The following ADAM7 variants were observed in gnomAD, a reference collection of about 807,000 sequenced individuals.
ADAM7 encodes the protein disintegrin and metalloproteinase domain-containing protein 7.
Under a neutral mutation model 102.9 loss-of-function variants are expected in ADAM7, and 97 were observed. The observed-to-expected ratio is 0.94, with a 90% CI of 0.80 to 1.12. ADAM7 has a LOEUF of 1.12. ADAM7 is among the 50% of genes most tolerant of loss of function. ADAM7 has a pLI of 0.00. For missense variants in ADAM7, 991 were observed against 908.7 expected, an observed-to-expected ratio of 1.09 and a Z score of -1.16; for synonymous variants, 334 against 304.4, an observed-to-expected ratio of 1.10 and a Z score of -1.01.
In ADAM7 at chr8:24,492,072, A is replaced by G. The variant is rs374030125; in HGVS notation, c.1526A>G (p.Asp509Gly). The G allele has an allele frequency of 9.9e-6, 16 of 1,613,518 alleles. No individual in the cohort carries two copies. The highest frequency in any genetic ancestry group is 8.5e-7 in the Non-Finnish European group (1 of 1,179,720). ...CFMGKCPTRE[D>G]QCSELFDDEA... Reference sequence around the variant, plus strand: ...ATGGGGAAATGTCCAACTCGTGAGGATCAGTGCTCTGAACTATTTGATGAT... The same window carrying G: ...ATGGGGAAATGTCCAACTCGTGAGGGTCAGTGCTCTGAACTATTTGATGAT... Residue 509 changes from aspartate (D) to glycine (G), a missense_variant, in exon 14 of 22, where the codon GAT (aspartate) becomes GGT (glycine). By Grantham distance (94) the Asp-to-Gly change is moderately conservative. Coordinates refer to ENST00000175238, the MANE Select transcript of ADAM7 (RefSeq NM_003817.4).
intron 8 of ADAM7, among the ~76,000 whole-genome samples, chr8:24,480,622 G>A (rs10098389): frequency 3.9e-5 from 6 of 152,086 alleles, no homozygotes; most frequent in South Asian, 2.1e-4. Context: ...TAATATTTCC[G>A]TTTGCACTTG....
chr8:24,450,855 A>T (rs1360973220), intron 3 of ADAM7, among the ~76,000 whole-genome samples: 2 of 152,162 alleles, frequency 1.3e-5, no homozygotes, highest in Non-Finnish European at 2.9e-5. Context: ...AGTTTTTAGC[A>T]TGAAGGGTTG....
intron 8 of ADAM7, among the ~76,000 whole-genome samples, chr8:24,478,790 AT>A (rs1255862075): frequency 6.6e-6 from 1 of 152,004 alleles, no homozygotes; most frequent in East Asian, 1.9e-4. Flanking sequence ...GCTCTTTTGT[AT>A]GTTCTTTAAT....
chr8:24,493,059 A>G lies in ADAM7; in HGVS notation c.1672A>G (p.Lys558Glu). ...PCEEKDVRCG[K>E]IYCTGGELSS... The stretch of plus-strand genomic sequence containing the variant: ...TTCCTTCAGAGATGTCAGATGTGGA[A>G]AGATCTACTGCACTGGAGGGGAGCT... Residue 558 changes from lysine (K) to glutamate (E), a missense_variant, in exon 16 of 22, where the codon AAG becomes GAG. By Grantham distance (56) the Lys-to-Glu change is moderately conservative. Transcript: ENST00000175238. 1 of 1,587,746 alleles carries G rather than the reference A, an allele frequency of 6.3e-7. No individual in the cohort carries two copies. The highest frequency in any genetic ancestry group is 8.5e-7 in the Non-Finnish European group (1 of 1,171,620).
chr8:24,490,911 GGTT>G, intron 13 of ADAM7, 23 bp downstream of exon 13: 1 of 1,606,632 alleles, frequency 6.2e-7, no homozygotes, highest in Non-Finnish European at 8.5e-7. Flanking sequence ...GCCAGGAGAA[GGTT>G]TTTTTTTTTC....
chr8:24,492,408 G>A lies in ADAM7; in HGVS notation c.1553-87G>A, dbSNP rs560263536. On this transcript the variant is annotated intron_variant, in intron 14 of 21. Transcript: ENST00000175238. ...ACTTCACTATGACATGATTCTGAAA[G>A]TTTAATTACATTAGAAAAATAAGGT... is the stretch of plus-strand genomic sequence containing the variant. The A allele has an allele frequency of 1.3e-5, 13 of 987,038 alleles. No homozygotes were observed. In the East Asian group the frequency reaches 3.2e-4, roughly 24 times the overall value. The allele number at this position is 987,038 out of a possible 1,614,324, so 61.1% of individuals were successfully genotyped here.
rs140756552 is a variant in ADAM7, at chr8:24,476,500, A to G, written c.701A>G (p.Asn234Ser). Residue 234 changes from asparagine to serine, a missense_variant, in exon 8 of 22, where the codon AAC (asparagine) becomes AGC (serine). Asn to Ser is a conservative substitution (Grantham distance 46). Coordinates refer to ENST00000175238, the MANE Select transcript of ADAM7 (RefSeq NM_003817.4). ...ATTTGGGGAATGGTCAATTTTGTCA[A>G]CATGGTAAGATTTGATACAGTTTTT... ...NRIWGMVNFV[N>S]MIYKTLNIHV... The G allele has an allele frequency of 1.1e-5, 17 of 1,606,328 alleles. No individual in the cohort carries two copies. The African/African-American group carries it at 2.0e-4, about 19-fold the overall frequency.
At chr8:24,491,853 T>C (rs1650415954) in intron 13 of ADAM7, 50 bp from the exon 14 acceptor site, 2 of 1,441,422 alleles carry the variant, frequency 1.4e-6, no homozygotes, top group South Asian at 1.5e-5. Flanking sequence ...TACGAAACCT[T>C]ACCTACCTAA....
chr8:24,487,745 A>C (rs1820193496), intron 11 of ADAM7, among the ~76,000 whole-genome samples: 1 of 152,164 alleles, frequency 6.6e-6, no homozygotes, highest in South Asian at 2.1e-4. Flanking sequence ...TTTCCTAAAA[A>C]GTCTATTCCA....
chr8:24,441,262 G>A lies in ADAM7; in HGVS notation c.52+102G>A. The A allele has an allele frequency of 2.5e-6, 3 of 1,206,034 alleles. No individual in the cohort carries two copies. The South Asian group carries it at 3.8e-5, about 15-fold the overall frequency. The allele number at this position is 1,206,034 out of a possible 1,614,324, so 74.7% of individuals were successfully genotyped here. A position where few individuals can be genotyped will look rare whatever the true frequency, so the allele number is the denominator to read the frequency against. Reference sequence around the variant, plus strand: ...GTAAGTGATAAAAACATTAAACGTTGATGATTTTTCTGAGAGCTTCGACTA... The same window carrying A: ...GTAAGTGATAAAAACATTAAACGTTAATGATTTTTCTGAGAGCTTCGACTA... On this transcript the variant is annotated intron_variant, in intron 1 of 21. Transcript: ENST00000175238.
At chr8:24,445,360 A>G (rs1798697144) in intron 2 of ADAM7, among the ~76,000 whole-genome samples, 1 of 152,218 alleles carries the variant, frequency 6.6e-6, no homozygotes, top group African/African-American at 2.4e-5. Flanking sequence ...ACTAATGCAC[A>G]CTTAACATTG....
At position 24,500,771 on chromosome 8, in the gene ADAM7, A is replaced by G. The variant is rs939905577; in HGVS notation, c.2003-19A>G. ...ACAACTGATACCCTCGATGAAGCCCATGTTTCTTCATGTTGCAGATATCAC... is the reference window on the plus strand; with the variant it reads ...ACAACTGATACCCTCGATGAAGCCCGTGTTTCTTCATGTTGCAGATATCAC... On this transcript the variant is annotated intron_variant, in intron 18 of 21. Coordinates refer to ENST00000175238, the MANE Select transcript of ADAM7 (RefSeq NM_003817.4). 1 of 1,594,086 alleles carries G rather than the reference A, an allele frequency of 6.3e-7. No homozygotes were observed.
chr8:24,492,947 G>C, intron 15 of ADAM7, 96 bp from the exon 16 acceptor site: 1 of 1,282,102 alleles, frequency 7.8e-7, no homozygotes, highest in Non-Finnish European at 1.0e-6. Flanking sequence ...AAGAAACCTG[G>C]ATCTAGAAAA....
At chr8:24,503,623 C>A (rs757141101) in intron 20 of ADAM7, among the ~76,000 whole-genome samples, 30 of 152,142 alleles carry the variant, frequency 2.0e-4, no homozygotes, top group Non-Finnish European at 2.9e-4. Context: ...CTTGGAACCA[C>A]CCCAAATGTC....
chr8:24,489,892 A>G (rs1450640361), intron 12 of ADAM7, among the ~76,000 whole-genome samples: 28 of 152,218 alleles, frequency 1.8e-4, no homozygotes, highest in Admixed American at 1.8e-3. Context: ...TATTTCTTTC[A>G]AGAGCTTATC....
intron 6 of ADAM7, chr8:24,467,199 G>A (rs1397003404): frequency 6.7e-6 from 4 of 598,294 alleles, no homozygotes; most frequent in Non-Finnish European, 1.2e-5. Context: ...AAGAAAGGAT[G>A]ATTCTACAAT....
At chr8:24,487,910 G>C (rs1254510972) in intron 11 of ADAM7, among the ~76,000 whole-genome samples, 1 of 152,008 alleles carries the variant, frequency 6.6e-6, no homozygotes, top group Admixed American at 6.6e-5. Flanking sequence ...AGGCAATTAG[G>C]GGACAAATAG....
At position 24,508,802 on chromosome 8, in the gene ADAM7, A is replaced by G; in HGVS notation, c.*256A>G. ...GGTCTTTCAAATGCTCTTTAGCACA[A>G]TATAAAAATTCGTAACCTTGCTGTA... On this transcript the variant is annotated 3_prime_UTR_variant, in exon 22 of 22. Transcript: ENST00000175238. 8.0e-7 allele frequency: 1 copy of G among 1,254,136 alleles called. No individual in the cohort carries two copies. Among genetic ancestry groups the G allele is most frequent in the Non-Finnish European group, 1.0e-6 (1 of 999,388 alleles). The allele number at this position is 1,254,136 out of a possible 1,614,324, so 77.7% of individuals were successfully genotyped here.
chr8:24,508,511 A>C (rs1821025461), intron 21 of ADAM7, 35 bp from the exon 22 acceptor site: 1 of 1,604,572 alleles, frequency 6.2e-7, no homozygotes, highest in East Asian at 2.2e-5. Context: ...ATTTCATAGG[A>C]AACAATCTAT....
Sources: allele counts gnomAD v4.1 joint callset (sites outside exome capture counted in the v4.1 genomes callset), GRCh38; gene constraint gnomAD v4.1.1; transcripts MANE v1.5; gene names NCBI Gene and HGNC (gene_info 2026-07-23, HGNC 2026-07-21).